Variants in ATAD3A observed in about 807,000 individuals in gnomAD.
ATAD3A encodes the protein ATPase family AAA domain containing 3A, also known as ATPase family AAA domain-containing protein 3A.
In ATAD3A, 46 loss-of-function variants were observed where a neutral mutation model predicts 73.8. The ratio of observed to expected loss-of-function variants is 0.62; its 90% confidence interval spans 0.49 to 0.80. The LOEUF is 0.80. ATAD3A is among the 30% of genes least tolerant of loss of function. ATAD3A has a pLI of 0.00. For missense variants in ATAD3A, 705 were observed against 838.0 expected (o/e 0.84, Z 1.96); for synonymous variants, 319 against 350.0 (o/e 0.91, Z 0.99).
chr1:1,526,651 A>T, intron 13 of ATAD3A, 120 bp downstream of exon 13: 1 of 1,554,568 alleles, frequency 6.4e-7, no homozygotes, highest in Non-Finnish European at 8.7e-7. Flanking sequence ...CGTGGCCTCA[A>T]CATGCCCACC....
intron 7 of ATAD3A, among the ~76,000 whole-genome samples, chr1:1,521,298 CAAAAAAAAAAAAAAAAAAA>C (rs1001385922): frequency 7.9e-5 from 2 of 25,350 alleles, no homozygotes; most frequent in Admixed American, 5.1e-4. Context: ...GGCTTCTTCT[CAAAAAAAAAAAAAAAAAAA>C]AAAAAAAAAA....
intron 15 of ATAD3A, among the ~76,000 whole-genome samples, chr1:1,529,762 A>T (rs1641973718): frequency 6.6e-6 from 1 of 152,130 alleles, no homozygotes; most frequent in Admixed American, 6.5e-5. Context: ...GTCCTGCTTG[A>T]CACATGGGTG....
At chr1:1,525,389 CTG>C (rs1238448799) in intron 12 of ATAD3A, 98 bp downstream of exon 12, 9 of 1,337,566 alleles carry the variant, frequency 6.7e-6, no homozygotes, top group Non-Finnish European at 9.4e-6. Flanking sequence ...TTCTTTTTCT[CTG>C]TAAGCTTTGT....
chr1:1,530,047 G>T (rs1381907590), intron 15 of ATAD3A, among the ~76,000 whole-genome samples: 2 of 152,248 alleles, frequency 1.3e-5, no homozygotes, highest in African/African-American at 4.8e-5. Context: ...ATGAACGTGT[G>T]ACAGCTTAAT....
rs144578623 is a variant in ATAD3A, at chr1:1,520,207, G to A, written c.581G>A (p.Arg194Gln). Reference sequence around the variant, plus strand: ...ATGCTGCGAGTGGAGGCCGAGGCCCGGGCGCGCGCCAAGGCCGAGCGGGAG... The same window carrying A: ...ATGCTGCGAGTGGAGGCCGAGGCCCAGGCGCGCGCCAAGGCCGAGCGGGAG... Reference protein sequence around the residue: ...NEMLRVEAEARARAKAERENA... With the variant: ...NEMLRVEAEAQARAKAERENA... Residue 194 changes from arginine (R) to glutamine (Q), a missense_variant, in exon 6 of 16, where the codon CGG becomes CAG. Coordinates refer to ENST00000378756, the MANE Select transcript of ATAD3A (RefSeq NM_001170535.3). The surrounding 1 kb of genome is among the most constrained non-coding windows in gnomAD (Gnocchi z 4.0). 60 of 1,611,926 alleles carry A rather than the reference G, an allele frequency of 3.7e-5. No individual in the cohort carries two copies. Among genetic ancestry groups the A allele is most frequent in the African/African-American group, 1.9e-4 (14 of 74,920 alleles).
In ATAD3A at chr1:1,516,165, G is replaced by A. The variant is rs186571713; in HGVS notation, c.282+77G>A. Reference sequence around the variant, plus strand: ...CATGGAGATTGGTAGGGCTACTGCCGGTGGGTAGGGCCGGGGGTGTGTACA... The same window carrying A: ...CATGGAGATTGGTAGGGCTACTGCCAGTGGGTAGGGCCGGGGGTGTGTACA... On this transcript the variant is annotated intron_variant, in intron 2 of 15. Coordinates refer to ENST00000378756, the MANE Select transcript of ATAD3A (RefSeq NM_001170535.3). 399 of 1,598,176 alleles carry A rather than the reference G, an allele frequency of 2.5e-4. 2 individuals are homozygous for A. Among genetic ancestry groups the A allele is most frequent in the Middle Eastern group, 4.5e-4 (2 of 4,474 alleles).
chr1:1,523,287 G>A lies in ATAD3A; in HGVS notation c.907-224G>A, dbSNP rs1641670299. On this transcript the variant is annotated intron_variant, in intron 8 of 15. Transcript: ENST00000378756. This position sits in a 1 kb window ranked among gnomAD's most constrained non-coding sequence, Gnocchi z 5.1. Reference sequence around the variant, plus strand: ...CCTGCTCTCCACAGGTCACTGGGTAGGTGGTTAAGAAAATAAAAGCCAATA... The same window carrying A: ...CCTGCTCTCCACAGGTCACTGGGTAAGTGGTTAAGAAAATAAAAGCCAATA... Among the ~76,000 whole-genome samples, 2 of 152,288 alleles carry A rather than the reference G, an allele frequency of 1.3e-5. No homozygotes were observed. The highest frequency in any genetic ancestry group is 2.1e-4 in the South Asian group (1 of 4,824).
At chr1:1,512,745 G>A in intron 1 of ATAD3A, 1 of 1,121,600 alleles carries the variant, frequency 8.9e-7, no homozygotes, top group Admixed American at 4.7e-5. Flanking sequence ...CAGGGTCTGG[G>A]GCTGGCCGTG....
At chr1:1,528,161 C>T (rs1570353128) in intron 14 of ATAD3A, among the ~76,000 whole-genome samples, 1 of 151,996 alleles carries the variant, frequency 6.6e-6, no homozygotes, top group Non-Finnish European at 1.5e-5. Flanking sequence ...TGGGGTTTTA[C>T]CATGTTGGCC....
At chr1:1,532,632 G>A (rs1032815363) in intron 15 of ATAD3A, among the ~76,000 whole-genome samples, 2 of 152,342 alleles carry the variant, frequency 1.3e-5, no homozygotes, top group South Asian at 4.1e-4. Context: ...CTTCCTGGAG[G>A]GGTGGCCCCG....
At position 1,520,832 on chromosome 1, in the gene ATAD3A, C is replaced by A. The variant is rs1346983585; in HGVS notation, c.750+215C>A. ...TGCCAGCCTGGGCCACACAGTGAGA[C>A]CCCATCTCTACAAAAAATCAAATAT... is the stretch of plus-strand genomic sequence containing the variant. On this transcript the variant is annotated intron_variant, in intron 7 of 15. Coordinates refer to ENST00000378756, the MANE Select transcript of ATAD3A (RefSeq NM_001170535.3). The surrounding 1 kb of genome is among the most constrained non-coding windows in gnomAD (Gnocchi z 4.0). Among the ~76,000 whole-genome samples the A allele has an allele frequency of 6.6e-6, 1 of 152,132 alleles. No homozygotes were observed. The highest frequency in any genetic ancestry group is 2.4e-5 in the African/African-American group (1 of 41,434).
In ATAD3A at chr1:1,517,352, C is replaced by G. The variant is rs1641395110; in HGVS notation, c.324C>G (p.Ile108Met). The change falls in exon 3 of 16, where the codon ATC (isoleucine) becomes ATG (methionine). Residue 108 changes from isoleucine (I) to methionine (M), a missense_variant. By Grantham distance (10) the Ile-to-Met change is conservative (BLOSUM62 1). This residue lies in a region of ATAD3A where 125 missense variants were observed against 170.6 expected (regional missense o/e 0.73). Transcript: ENST00000378756. ...AAVEQLKSEQ[I>M]RAQAEERRKT... ...TGGAGCAGCTCAAGAGCGAGCAGATCCGGGCGCAGGCTGAGGAGAGGAGGA... is the reference window on the plus strand; with the variant it reads ...TGGAGCAGCTCAAGAGCGAGCAGATGCGGGCGCAGGCTGAGGAGAGGAGGA... The G allele has an allele frequency of 1.3e-6, 2 of 1,540,514 alleles. No homozygotes were observed. The highest frequency in any genetic ancestry group is 1.2e-5 in the South Asian group (1 of 82,790).
At position 1,523,386 on chromosome 1, in the gene ATAD3A, C is replaced by T. The variant is rs1641674656; in HGVS notation, c.907-125C>T. 1.2e-5 allele frequency: 17 copies of T among 1,468,424 alleles called. No homozygotes were observed. Among genetic ancestry groups the T allele is most frequent in the Non-Finnish European group, 1.6e-5 (17 of 1,082,230 alleles). 91.0% of individuals were successfully genotyped at this position (1,468,424 alleles called of 1,614,324 possible). The stretch of plus-strand genomic sequence containing the variant: ...GGCGGGGCAGGGTTCCAGCTCCGGG[C>T]CGGTCCTGGCTGTGCTTTGGGGCAG... On this transcript the variant is annotated intron_variant, in intron 8 of 15. Transcript: ENST00000378756. The surrounding 1 kb of genome is among the most constrained non-coding windows in gnomAD (Gnocchi z 5.1).
In ATAD3A at chr1:1,527,804, C is replaced by A; in HGVS notation, c.1447C>A (p.Arg483Ser). ...FDLPGQEERE[R>S]LVRMYFDKYV... Reference sequence around the variant, plus strand: ...CCTGCCAGGGCAGGAGGAACGGGAGCGCCTGGTGAGAATGTATTTTGACAA... The same window carrying A: ...CCTGCCAGGGCAGGAGGAACGGGAGAGCCTGGTGAGAATGTATTTTGACAA... Residue 483 changes from arginine (R) to serine (S), a missense_variant, in exon 14 of 16, where the codon CGC becomes AGC. Arg to Ser is a moderately radical substitution (Grantham distance 110). Around this residue, in one of 5 missense-constraint regions of ATAD3A, gnomAD observed 252 missense variants for 278.5 expected, o/e 0.90. Coordinates refer to ENST00000378756, the MANE Select transcript of ATAD3A (RefSeq NM_001170535.3). The A allele has an allele frequency of 6.2e-7, 1 of 1,613,970 alleles. No individual in the cohort carries two copies. Among genetic ancestry groups the A allele is most frequent in the Non-Finnish European group, 8.5e-7 (1 of 1,179,968 alleles).
chr1:1,518,226 G>C (rs1427288637), intron 4 of ATAD3A, among the ~76,000 whole-genome samples: 1 of 148,750 alleles, frequency 6.7e-6, no homozygotes, highest in Admixed American at 6.7e-5. Flanking sequence ...AGACAGGTAC[G>C]CACATACACC....
chr1:1,513,283 T>C (rs1641257054), intron 1 of ATAD3A, among the ~76,000 whole-genome samples: 1 of 151,788 alleles, frequency 6.6e-6, no homozygotes, highest in African/African-American at 2.4e-5. Flanking sequence ...TGTGTCCTAG[T>C]TCCTGGGGGT....
chr1:1,520,613 C>T lies in ATAD3A; in HGVS notation c.746C>T (p.Ala249Val). ...GTGACAGACTGGGACAAAGTGACAG[C>T]CACGGTAAACATACTCATAAAACAG... ...AFVTDWDKVTATVAGLTLLAV... is the reference protein window; with the variant it reads ...AFVTDWDKVTVTVAGLTLLAV... Residue 249 changes from alanine to valine, a missense_variant, in exon 7 of 16, where the codon GCC (alanine) becomes GTC (valine). Coordinates refer to ENST00000378756, the MANE Select transcript of ATAD3A (RefSeq NM_001170535.3). The surrounding 1 kb of genome is among the most constrained non-coding windows in gnomAD (Gnocchi z 4.0). The T allele has an allele frequency of 1.2e-6, 2 of 1,613,496 alleles. No homozygotes were observed. The highest frequency in any genetic ancestry group is 1.8e-4 in the Middle Eastern group (1 of 5,622).
intron 11 of ATAD3A, 87 bp from the exon 12 acceptor site, chr1:1,525,153 C>CT (rs1641757933): frequency 6.4e-7 from 1 of 1,571,332 alleles, no homozygotes; most frequent in Admixed American, 1.7e-5. Flanking sequence ...GATCTGCCTG[C>CT]TTGGCCTGCT....
intron 13 of ATAD3A, among the ~76,000 whole-genome samples, chr1:1,526,809 G>C (rs982631099): frequency 6.6e-6 from 1 of 152,204 alleles, no homozygotes; most frequent in Non-Finnish European, 1.5e-5. Flanking sequence ...TCTGCCCCTA[G>C]GTTTCTGCGG....
Sources: gnomAD v4.1 joint callset for allele counts (sites outside exome capture counted in the v4.1 genomes callset) on GRCh38, gnomAD v4.1.1 for gene constraint, gnomAD v4.1.1 regional missense constraint, Gnocchi (gnomAD v3.1) non-coding constraint, MANE v1.5 for transcripts, NCBI Gene and HGNC (gene_info 2026-07-23, HGNC 2026-07-21) for gene names.